Variants in ROR1 observed in about 807,000 individuals in gnomAD.
ROR1 encodes ROR family WNT receptor 1.
In ROR1, 19 loss-of-function variants were observed where a neutral mutation model predicts 78.8. The ratio of observed to expected loss-of-function variants is 0.24; its 90% CI spans 0.17 to 0.35. The LOEUF is 0.35. Among genes scored for constraint, ROR1 ranks in the 10% least tolerant of loss-of-function variants. The probability of loss-of-function intolerance (pLI) is 1.00; values close to 1 mark genes in which losing one functional copy is unlikely to be tolerated. For synonymous variants in ROR1, 386 were observed against 433.6 expected, an observed-to-expected ratio of 0.89 and a Z score of 1.36; for missense variants, 917 against 1,177.8, an observed-to-expected ratio of 0.78 and a Z score of 3.24.
intron 1 of ROR1, among the ~76,000 whole-genome samples, chr1:63,999,406 T>TG (rs1228842046): frequency 6.6e-6 from 1 of 152,252 alleles, no homozygotes; most frequent in African/African-American, 2.4e-5. Flanking sequence ...ATTCCATGTC[T>TG]ATCTAAATAT....
intron 1 of ROR1, among the ~76,000 whole-genome samples, chr1:63,899,648 A>G (rs932146448): frequency 6.6e-6 from 1 of 151,996 alleles, no homozygotes; most frequent in Non-Finnish European, 1.5e-5. Context: ...TATAGGTTAC[A>G]TTGGCACCAG....
intron 4 of ROR1, among the ~76,000 whole-genome samples, chr1:64,053,212 A>C (rs1433511234): frequency 6.6e-6 from 1 of 152,236 alleles, no homozygotes; most frequent in Non-Finnish European, 1.5e-5. Flanking sequence ...TCTATGACCC[A>C]ACTCTAACAT....
At chr1:63,804,820 T>G (rs1644818216) in intron 1 of ROR1, among the ~76,000 whole-genome samples, 1 of 152,088 alleles carries the variant, frequency 6.6e-6, no homozygotes, top group African/African-American at 2.4e-5. Flanking sequence ...TGTTCCAGTT[T>G]CTTGTTAAGG....
At chr1:64,020,398 G>A (rs1239697267) in intron 2 of ROR1, among the ~76,000 whole-genome samples, 1 of 152,158 alleles carries the variant, frequency 6.6e-6, no homozygotes, top group African/African-American at 2.4e-5. Context: ...GACGAGGCCT[G>A]TACTGGCTGA....
intron 1 of ROR1, among the ~76,000 whole-genome samples, chr1:63,873,498 T>C (rs1645265258): frequency 6.6e-6 from 1 of 152,134 alleles, no homozygotes; most frequent in South Asian, 2.1e-4. Flanking sequence ...CCTGACATGG[T>C]AGAATCCTGT....
chr1:63,785,289 C>G (rs1053386340), intron 1 of ROR1, among the ~76,000 whole-genome samples: 2 of 152,042 alleles, frequency 1.3e-5, no homozygotes, highest in Non-Finnish European at 1.5e-5. Context: ...TTTTTTCTGC[C>G]TGAACTTCCA....
intron 4 of ROR1, among the ~76,000 whole-genome samples, chr1:64,098,166 C>T (rs946393381): frequency 3.9e-5 from 6 of 151,988 alleles, no homozygotes; most frequent in East Asian, 1.9e-4. Flanking sequence ...AGTGAAAGCC[C>T]CTGATTTACT....
At chr1:64,075,500 A>T (rs980398533) in intron 4 of ROR1, among the ~76,000 whole-genome samples, 11 of 152,174 alleles carry the variant, frequency 7.2e-5, no homozygotes, top group African/African-American at 2.7e-4. Flanking sequence ...TTCATGCTGT[A>T]TGGAGCATCT....
intron 1 of ROR1, among the ~76,000 whole-genome samples, chr1:63,809,240 C>T (rs930865790): frequency 2.0e-5 from 3 of 152,096 alleles, no homozygotes; most frequent in African/African-American, 7.2e-5. Flanking sequence ...CCAGGGAATC[C>T]CATAAATGAT....
intron 1 of ROR1, among the ~76,000 whole-genome samples, chr1:63,963,874 A>G (rs1370794035): frequency 3.3e-5 from 5 of 152,294 alleles, no homozygotes; most frequent in African/African-American, 9.6e-5. Context: ...GGGTACCAGC[A>G]TCCGTCTTTC....
Position 64,179,000 on chromosome 1 carries a change from C to T in ROR1, c.*145C>T. On this transcript the variant is annotated 3_prime_UTR_variant, in exon 9 of 9. Transcript: ENST00000371079. The surrounding 1 kb of genome is among the most constrained non-coding windows in gnomAD (Gnocchi z 4.3). ...TTCTGTGAAGTTTCACTGTGTCTTA[C>T]CAAGCAGGACAGACACTCGGCCAGA... 1 of 448,734 alleles carries T rather than the reference C, an allele frequency of 2.2e-6. No homozygotes were observed. The highest frequency in any genetic ancestry group is 3.9e-6 in the Non-Finnish European group (1 of 259,644). 27.8% of individuals were successfully genotyped at this position (448,734 alleles called of 1,614,324 possible).
intron 4 of ROR1, among the ~76,000 whole-genome samples, chr1:64,087,695 A>G (rs748674753): frequency 6.6e-5 from 10 of 152,194 alleles, no homozygotes; most frequent in Non-Finnish European, 1.3e-4. Flanking sequence ...GCAAAAAGAA[A>G]CAAAAATGTA....
intron 7 of ROR1, among the ~76,000 whole-genome samples, chr1:64,150,888 C>A (rs1035794331): frequency 1.3e-5 from 2 of 152,034 alleles, no homozygotes; most frequent in Non-Finnish European, 2.9e-5. Flanking sequence ...AGTCATTTAC[C>A]CAGTGTGTAA....
At chr1:64,014,206 C>T (rs1248954616) in intron 2 of ROR1, among the ~76,000 whole-genome samples, 3 of 152,106 alleles carry the variant, frequency 2.0e-5, no homozygotes, top group Admixed American at 2.0e-4. Flanking sequence ...GCTTTAATGC[C>T]TTCCTCTTCA....
chr1:64,021,443 T>G lies in ROR1; in HGVS notation c.163+12067T>G, dbSNP rs141424545. 2.6e-3 allele frequency among the ~76,000 whole-genome samples: 395 copies of G among 152,328 alleles called. 1 individual carries two copies. The highest frequency in any genetic ancestry group is 5.8e-3 in the African/African-American group (242 of 41,576). The stretch of plus-strand genomic sequence containing the variant: ...AATTCCTGTCTCATGAACCTCACTT[T>G]CTGGTGGAGTTAGCAAATCCCTGTG... On this transcript the variant is annotated intron_variant, in intron 2 of 8. Transcript: ENST00000371079.
At chr1:64,123,899 C>A (rs1326839042) in intron 4 of ROR1, among the ~76,000 whole-genome samples, 1 of 152,094 alleles carries the variant, frequency 6.6e-6, no homozygotes, top group Non-Finnish European at 1.5e-5. Flanking sequence ...GAAAAATAAT[C>A]ATAGCAGTAT....
At chr1:63,828,360 AAT>A (rs372209519) in intron 1 of ROR1, among the ~76,000 whole-genome samples, 3 of 152,316 alleles carry the variant, frequency 2.0e-5, no homozygotes, top group Admixed American at 6.5e-5. Flanking sequence ...CCCTAGCAAT[AAT>A]ATGTTTTAAA....
rs1185135650 is a variant in ROR1, at chr1:64,138,546, CT to C, written c.610+1067del. 5.1e-3 allele frequency among the ~76,000 whole-genome samples: 682 copies of C among 133,636 alleles called. 4 individuals carry two copies. Among genetic ancestry groups the C allele is most frequent in the Admixed American group, 7.9e-3 (104 of 13,164 alleles). The allele number at this position is 133,636 out of a possible 152,430, so 87.7% of individuals were successfully genotyped here. A position where few individuals can be genotyped will look rare whatever the true frequency, so the allele number is the denominator to read the frequency against. ...AGGCTGGGGGGAAGAGGGAGGAGGA[CT>C]TTTTTTTTTTTTTTTTGAGATGGAG... On this transcript the variant is annotated intron_variant, in intron 5 of 8. Coordinates refer to ENST00000371079, the MANE Select transcript of ROR1 (RefSeq NM_005012.4).
At chr1:64,164,518 G>A (rs367861355) in intron 8 of ROR1, among the ~76,000 whole-genome samples, 1 of 152,186 alleles carries the variant, frequency 6.6e-6, no homozygotes, top group South Asian at 2.1e-4. Context: ...TTTACACTTT[G>A]AGATAGCATG....
Sources: allele counts gnomAD v4.1 joint callset (sites outside exome capture counted in the v4.1 genomes callset), GRCh38; gene constraint gnomAD v4.1.1; non-coding constraint Gnocchi (gnomAD v3.1); transcripts MANE v1.5; gene names NCBI Gene and HGNC (gene_info 2026-07-23, HGNC 2026-07-21).